Variants in RBMS1 observed in about 807,000 individuals in gnomAD.
The protein encoded by RBMS1 is RNA binding motif single stranded interacting protein 1, also known as RNA-binding motif, single-stranded-interacting protein 1.
A neutral mutation model predicts 62.3 loss-of-function variants in RBMS1; 17 were observed. The ratio of observed to expected loss-of-function variants is 0.27; its 90% CI spans 0.19 to 0.41. RBMS1 has a LOEUF of 0.41. RBMS1 is among the 10% of genes least tolerant of loss of function. The probability of loss-of-function intolerance (pLI) is 1.00; values close to 1 mark genes in which losing one functional copy is unlikely to be tolerated. For missense variants in RBMS1, 334 were observed against 504.5 expected (o/e 0.66, Z 3.24); for synonymous variants, 172 against 170.0 (o/e 1.01, Z -0.09).
intron 1 of RBMS1, among the ~76,000 whole-genome samples, chr2:160,484,534 C>T (rs944264281): frequency 3.3e-5 from 5 of 150,848 alleles, no homozygotes; most frequent in Non-Finnish European, 1.5e-5. Flanking sequence ...ACGCCATCAT[C>T]GGATTCTCAA....
At chr2:160,309,273 A>G (rs901203829) in intron 4 of RBMS1, among the ~76,000 whole-genome samples, 1 of 152,186 alleles carries the variant, frequency 6.6e-6, no homozygotes, top group Non-Finnish European at 1.5e-5. Context: ...CCATCAGTCA[A>G]GCAAGAGAGG....
At chr2:160,404,381 C>G (rs1269412510) in intron 1 of RBMS1, among the ~76,000 whole-genome samples, 1 of 152,212 alleles carries the variant, frequency 6.6e-6, no homozygotes, top group Non-Finnish European at 1.5e-5. Context: ...AACTAGCTCA[C>G]TCCTACACAG....
intron 1 of RBMS1, among the ~76,000 whole-genome samples, chr2:160,473,938 G>C (rs901652348): frequency 2.0e-5 from 3 of 152,028 alleles, no homozygotes; most frequent in Non-Finnish European, 4.4e-5. Context: ...GTGTTTACCT[G>C]GTTACTATGA....
chr2:160,274,830 A>C (rs1236370372), intron 13 of RBMS1, 66 bp from the exon 14 acceptor site: 1 of 152,632 alleles, frequency 6.6e-6, no homozygotes, highest in Non-Finnish European at 1.5e-5. Flanking sequence ...AGAGCTTTGT[A>C]ATCTGTTTCT....
chr2:160,406,807 C>T (rs1258806286), intron 1 of RBMS1, among the ~76,000 whole-genome samples: 1 of 152,086 alleles, frequency 6.6e-6, no homozygotes, highest in Non-Finnish European at 1.5e-5. Flanking sequence ...AAGTGGCTTT[C>T]GAGTTCAATC....
chr2:160,276,393 C>T (rs1055019930), intron 12 of RBMS1, among the ~76,000 whole-genome samples: 1 of 151,660 alleles, frequency 6.6e-6, no homozygotes, highest in East Asian at 1.9e-4. Flanking sequence ...ACTACTACTG[C>T]TACTACTATC....
chr2:160,390,103 G>A (rs1694780333), intron 1 of RBMS1, among the ~76,000 whole-genome samples: 1 of 152,204 alleles, frequency 6.6e-6, no homozygotes, highest in Non-Finnish European at 1.5e-5. Flanking sequence ...TTAATGGGTA[G>A]TGGTGCAACC....
At chr2:160,423,433 C>T (rs941459800) in intron 1 of RBMS1, among the ~76,000 whole-genome samples, 11 of 152,048 alleles carry the variant, frequency 7.2e-5, no homozygotes, top group Non-Finnish European at 1.5e-4. Flanking sequence ...TTCTCTCTTT[C>T]GCTGCTGGAG....
intron 1 of RBMS1, among the ~76,000 whole-genome samples, chr2:160,485,182 G>A (rs560871336): frequency 2.2e-4 from 34 of 152,266 alleles, no homozygotes; most frequent in African/African-American, 7.5e-4. Context: ...ACAGGTGAGT[G>A]GGTCTAGAAG....
At chr2:160,436,173 C>T (rs1390625818) in intron 1 of RBMS1, among the ~76,000 whole-genome samples, 2 of 152,192 alleles carry the variant, frequency 1.3e-5, no homozygotes, top group African/African-American at 2.4e-5. Context: ...GAATCTACCT[C>T]GTCTCTGCTC....
At chr2:160,330,990 A>G (rs916126658) in intron 2 of RBMS1, among the ~76,000 whole-genome samples, 4 of 152,144 alleles carry the variant, frequency 2.6e-5, no homozygotes, top group Non-Finnish European at 4.4e-5. Flanking sequence ...ACGGAGGCAG[A>G]GATTGGAGGG....
At chr2:160,448,910 C>G (rs557069900) in intron 1 of RBMS1, among the ~76,000 whole-genome samples, 1 of 151,768 alleles carries the variant, frequency 6.6e-6, no homozygotes, top group Non-Finnish European at 1.5e-5. Flanking sequence ...CCCGCCACCC[C>G]ATCTGGGATG....
intron 2 of RBMS1, among the ~76,000 whole-genome samples, chr2:160,348,322 A>G (rs73000647): frequency 0.013 from 1,943 of 152,134 alleles, 45 homozygotes; most frequent in African/African-American, 0.043. Context: ...AAGAATAAAA[A>G]TGACATTTAC....
At chr2:160,493,149 A>G (rs1441513836) in intron 1 of RBMS1, 140 bp downstream of exon 1, 32 of 748,290 alleles carry the variant, frequency 4.3e-5, no homozygotes, top group South Asian at 7.1e-5. Context: ...TGCCCAGGCC[A>G]GCGCTATAGT....
chr2:160,350,282 C>T (rs1692425594), intron 2 of RBMS1, among the ~76,000 whole-genome samples: 1 of 152,052 alleles, frequency 6.6e-6, no homozygotes, highest in African/African-American at 2.4e-5. Flanking sequence ...CTGCTCCCAT[C>T]CAAGATCATT....
At chr2:160,483,453 T>C (rs62175963) in intron 1 of RBMS1, among the ~76,000 whole-genome samples, 58,669 of 152,040 alleles carry the variant, frequency 0.39, 12,280 homozygotes, top group East Asian at 0.84. Context: ...AGCACACTTA[T>C]ACGTTACCAA....
Position 160,493,686 on chromosome 2 carries a change from T to A in RBMS1, c.-323A>T. On this transcript the variant is annotated 5_prime_UTR_variant, in exon 1 of 14. Transcript: ENST00000348849. ...TCCCGGAGCCCGACTGCTCCGGGGC[T>A]GCCAAGGGCTGGCGCGCTGGCCGCG... 10 of 398,914 alleles carry A rather than the reference T, an allele frequency of 2.5e-5. No homozygotes were observed. Among genetic ancestry groups the A allele is most frequent in the Admixed American group, 3.9e-5 (1 of 25,676 alleles). The allele number at this position is 398,914 out of a possible 1,614,324, so 24.7% of individuals were successfully genotyped here. A position where few individuals can be genotyped will look rare whatever the true frequency, so the allele number is the denominator to read the frequency against.
At position 160,382,972 on chromosome 2, in the gene RBMS1, C is replaced by T. The variant is rs773331781; in HGVS notation, c.76-15581G>A. Among the ~76,000 whole-genome samples the T allele has an allele frequency of 3.3e-5, 5 of 151,898 alleles. No individual in the cohort carries two copies. In the East Asian group the frequency reaches 7.7e-4, roughly 23 times the overall value. On this transcript the variant is annotated intron_variant, in intron 1 of 13. Transcript: ENST00000348849. ...CTCCTGTCAGGAAACGTAAAATGTA[C>T]GATTTATACAGTAACTACAACACTG...
chr2:160,474,490 C>G (rs577876681), intron 1 of RBMS1, among the ~76,000 whole-genome samples: 13 of 152,256 alleles, frequency 8.5e-5, no homozygotes, highest in African/African-American at 3.1e-4. Flanking sequence ...AAAACATCTC[C>G]GTGAAACCAG....
Sources: gnomAD v4.1 joint callset for allele counts (sites outside exome capture counted in the v4.1 genomes callset) on GRCh38, gnomAD v4.1.1 for gene constraint, MANE v1.5 for transcripts, NCBI Gene and HGNC (gene_info 2026-07-23, HGNC 2026-07-21) for gene names.